FSTL5: variants seen among roughly 807,000 people sequenced by gnomAD.
FSTL5 encodes follistatin-related protein 5.
A neutral mutation model predicts 89.1 loss-of-function variants in FSTL5; 62 were observed. The ratio of observed to expected loss-of-function variants is 0.70; its 90% CI spans 0.57 to 0.86. The LOEUF (loss-of-function observed/expected upper bound fraction) is 0.86. Among genes scored for constraint, FSTL5 ranks in the 40% least tolerant of loss-of-function variants. The pLI, the probability that FSTL5 is intolerant of heterozygous loss-of-function variation, is 0.00. For synonymous variants in FSTL5, 383 were observed against 346.2 expected (o/e 1.11, Z -1.18); for missense variants, 1,057 against 1,001.6 (o/e 1.06, Z -0.75).
At chr4:161,884,158 T>C (rs895686339) in intron 4 of FSTL5, among the ~76,000 whole-genome samples, 2 of 152,152 alleles carry the variant, frequency 1.3e-5, no homozygotes, top group African/African-American at 4.8e-5. Context: ...CAAGTGATTC[T>C]CCTGCCTCAG....
At chr4:161,549,260 T>A (rs1333729124) in intron 8 of FSTL5, among the ~76,000 whole-genome samples, 9 of 151,674 alleles carry the variant, frequency 5.9e-5, no homozygotes, top group Non-Finnish European at 2.9e-5. Context: ...TTCTTATATG[T>A]AAAATAAATA....
intron 2 of FSTL5, among the ~76,000 whole-genome samples, chr4:162,048,104 A>G (rs1738256183): frequency 6.6e-6 from 1 of 152,058 alleles, no homozygotes; most frequent in African/African-American, 2.4e-5. Context: ...AAGCAGGACT[A>G]TCACTTGGGG....
At chr4:161,441,363 T>A (rs2126368287) in intron 15 of FSTL5, among the ~76,000 whole-genome samples, 1 of 152,244 alleles carries the variant, frequency 6.6e-6, no homozygotes, top group African/African-American at 2.4e-5. Flanking sequence ...CAACTGCAGA[T>A]GATATTGCCC....
At chr4:161,489,149 T>A (rs934586997) in intron 12 of FSTL5, among the ~76,000 whole-genome samples, 2 of 152,148 alleles carry the variant, frequency 1.3e-5, no homozygotes, top group Non-Finnish European at 2.9e-5. Flanking sequence ...AAATTTCAAA[T>A]GCTTACAGAA....
intron 8 of FSTL5, among the ~76,000 whole-genome samples, chr4:161,568,471 C>G (rs1348680301): frequency 6.6e-6 from 1 of 152,140 alleles, no homozygotes; most frequent in East Asian, 1.9e-4. Flanking sequence ...TATGCTGCAG[C>G]CTCCGCAGGT....
rs1052249214 is a variant in FSTL5 at position 162,073,420 on chromosome 4, T to A, written c.126+37851A>T. 2.0e-5 allele frequency among the ~76,000 whole-genome samples: 3 copies of A among 151,640 alleles called. No homozygotes were observed. In the Admixed American group the frequency reaches 2.0e-4, roughly 10 times the overall value. On this transcript the variant is annotated intron_variant, in intron 2 of 15. Transcript: ENST00000306100. ...TTGAAAACACCACAGTAAAGTTTTT[T>A]AAATAAAGTCAAACACATATCAATA... is the stretch of plus-strand genomic sequence containing the variant.
At chr4:161,954,145 T>C (rs1734968162) in intron 3 of FSTL5, among the ~76,000 whole-genome samples, 1 of 151,552 alleles carries the variant, frequency 6.6e-6, no homozygotes, top group South Asian at 2.1e-4. Context: ...AAAATGAAGA[T>C]GTATCCAATT....
At position 161,942,022 on chromosome 4, in the gene FSTL5, A is replaced by T. The variant is rs145394598; in HGVS notation, c.161-21370T>A. Among the ~76,000 whole-genome samples the T allele has an allele frequency of 1.2e-3, 185 of 152,116 alleles. 1 individual carries two copies. In the South Asian group the frequency reaches 0.017, roughly 14 times the overall value. On this transcript the variant is annotated intron_variant, in intron 3 of 15. Coordinates refer to ENST00000306100, the MANE Select transcript of FSTL5 (RefSeq NM_020116.5). ...TATTCAGAAATGTAGGAATTTAACA[A>T]CATATTCTTAAACAATCATGGCTAA...
At chr4:161,487,982 T>A (rs1729737651) in intron 12 of FSTL5, among the ~76,000 whole-genome samples, 1 of 152,034 alleles carries the variant, frequency 6.6e-6, no homozygotes, top group Admixed American at 6.6e-5. Context: ...CATGATCAAG[T>A]CTGAGCTATT....
At chr4:162,087,980 C>T (rs1296280002) in intron 2 of FSTL5, among the ~76,000 whole-genome samples, 1 of 152,036 alleles carries the variant, frequency 6.6e-6, no homozygotes, top group African/African-American at 2.4e-5. Flanking sequence ...TGATCAGTTT[C>T]TTTATTGTGA....
chr4:161,928,061 C>T (rs1734177758), intron 3 of FSTL5, among the ~76,000 whole-genome samples: 1 of 151,768 alleles, frequency 6.6e-6, no homozygotes, highest in Admixed American at 6.6e-5. Flanking sequence ...GTCAATCCCT[C>T]CAAGTTTTAC....
chr4:161,738,665 G>A (rs906939061), intron 6 of FSTL5, among the ~76,000 whole-genome samples: 20 of 152,044 alleles, frequency 1.3e-4, no homozygotes, highest in African/African-American at 4.8e-4. Context: ...CTAGCTGAAA[G>A]GTAACCACAT....
chr4:161,756,943 T>G (rs1302242734), intron 6 of FSTL5, among the ~76,000 whole-genome samples: 1 of 152,188 alleles, frequency 6.6e-6, no homozygotes, highest in Non-Finnish European at 1.5e-5. Flanking sequence ...GTTGCCTACT[T>G]CTGTTAGTCA....
chr4:161,626,893 A>T (rs1247092135), intron 7 of FSTL5, among the ~76,000 whole-genome samples: 1 of 152,156 alleles, frequency 6.6e-6, no homozygotes, highest in Non-Finnish European at 1.5e-5. Flanking sequence ...CTAGAATGAG[A>T]AGTGGAGCCT....
intron 4 of FSTL5, among the ~76,000 whole-genome samples, chr4:161,845,266 TTTTG>T (rs936950322): frequency 4.6e-5 from 7 of 152,200 alleles, no homozygotes; most frequent in African/African-American, 1.7e-4. Context: ...TTGTTGTTTT[TTTTG>T]TTTGAGTTTT....
intron 4 of FSTL5, among the ~76,000 whole-genome samples, chr4:161,899,616 T>A (rs1733285852): frequency 6.6e-6 from 1 of 152,196 alleles, no homozygotes; most frequent in South Asian, 2.1e-4. Flanking sequence ...TGTCAGATAT[T>A]ATTCTAGGAT....
chr4:161,669,046 AG>A (rs1736994002), intron 6 of FSTL5, among the ~76,000 whole-genome samples: 1 of 146,470 alleles, frequency 6.8e-6, no homozygotes, highest in African/African-American at 2.5e-5. Context: ...CAGGAGGCAG[AG>A]GTTGCAGTGA....
intron 2 of FSTL5, among the ~76,000 whole-genome samples, chr4:162,095,086 C>G (rs1390755603): frequency 2.6e-5 from 4 of 151,820 alleles, no homozygotes; most frequent in African/African-American, 9.7e-5. Context: ...TATTCTCTTA[C>G]TAGAAAAAAA....
Position 161,776,081 on chromosome 4 carries a change from C to T in FSTL5, c.410-7G>A, listed in dbSNP as rs1741399822. 1.4e-5 allele frequency: 19 copies of T among 1,367,256 alleles called. No homozygotes were observed. Among genetic ancestry groups the T allele is most frequent in the Non-Finnish European group, 1.9e-5 (19 of 1,014,738 alleles). The allele number at this position is 1,367,256 out of a possible 1,614,324, so 84.7% of individuals were successfully genotyped here. On this transcript the variant is annotated splice_polypyrimidine_tract_variant and splice_region_variant and intron_variant, in intron 4 of 15. Coordinates refer to ENST00000306100, the MANE Select transcript of FSTL5 (RefSeq NM_020116.5). ...GTAGTCTTGCACTTATCTCCTGTAA[C>T]AAAAGAACTAGTTATTTTCAAGCAA...
Sources: gnomAD v4.1 joint callset for allele counts (sites outside exome capture counted in the v4.1 genomes callset) on GRCh38, gnomAD v4.1.1 for gene constraint, MANE v1.5 for transcripts, NCBI Gene and HGNC (gene_info 2026-07-23, HGNC 2026-07-21) for gene names.